KCTD8: variants seen among roughly 807,000 people sequenced by gnomAD.
The protein encoded by KCTD8 is potassium channel tetramerization domain containing 8.
A neutral mutation model predicts 31.5 loss-of-function variants in KCTD8; 27 were observed. The ratio of observed to expected loss-of-function variants is 0.86; its 90% CI spans 0.63 to 1.18. The LOEUF (loss-of-function observed/expected upper bound fraction) is 1.18, where lower values mean the gene tolerates loss of function less well. KCTD8 is among the 50% of genes most tolerant of loss of function. KCTD8 has a pLI of 0.00. For missense variants in KCTD8, 658 were observed against 647.7 expected, an observed-to-expected ratio of 1.02 and a Z score of -0.17; for synonymous variants, 290 against 280.0, an observed-to-expected ratio of 1.04 and a Z score of -0.36.
intron 1 of KCTD8, among the ~76,000 whole-genome samples, chr4:44,336,123 C>T (rs1407716660): frequency 4.7e-5 from 6 of 127,588 alleles, no homozygotes; most frequent in South Asian, 2.4e-4. Flanking sequence ...GCACTCCAGC[C>T]TGGGCGACAG....
intron 1 of KCTD8, among the ~76,000 whole-genome samples, chr4:44,185,689 G>A (rs1441227155): frequency 6.6e-6 from 1 of 150,698 alleles, no homozygotes; most frequent in Admixed American, 6.6e-5. Context: ...TCCGTATGTT[G>A]CTTTCAGCAT....
intron 1 of KCTD8, among the ~76,000 whole-genome samples, chr4:44,351,456 C>A (rs1016013989): frequency 6.6e-6 from 1 of 151,946 alleles, no homozygotes; most frequent in East Asian, 1.9e-4. Context: ...TCATTTTGGC[C>A]GTTTCTTCAG....
chr4:44,292,036 T>C (rs117402956), intron 1 of KCTD8, among the ~76,000 whole-genome samples: 1 of 148,212 alleles, frequency 6.7e-6, no homozygotes, highest in East Asian at 2.0e-4. Flanking sequence ...TTGGTGGGAA[T>C]ATAAGTTATT....
chr4:44,256,237 G>A (rs1456406632), intron 1 of KCTD8, among the ~76,000 whole-genome samples: 1 of 151,844 alleles, frequency 6.6e-6, no homozygotes, highest in Non-Finnish European at 1.5e-5. Flanking sequence ...AGGTGGGGAC[G>A]CAGCCAAACC....
At position 44,255,018 on chromosome 4, in the gene KCTD8, T is replaced by C. The variant is rs188240048; in HGVS notation, c.962-79768A>G. On this transcript the variant is annotated intron_variant, in intron 1 of 1. Transcript: ENST00000360029. Reference sequence around the variant, plus strand: ...CCACACCCCAGAAATAATTTTCTTATTGAGGATGCAAGTTTCAAAACTTAG... The same window carrying C: ...CCACACCCCAGAAATAATTTTCTTACTGAGGATGCAAGTTTCAAAACTTAG... Among the ~76,000 whole-genome samples the C allele has an allele frequency of 6.2e-3, 949 of 152,074 alleles. 9 individuals carry two copies. Among genetic ancestry groups the C allele is most frequent in the Non-Finnish European group, 0.01 (699 of 67,906 alleles).
At chr4:44,179,641 G>T (rs1018335925) in intron 1 of KCTD8, among the ~76,000 whole-genome samples, 1 of 151,616 alleles carries the variant, frequency 6.6e-6, no homozygotes. Flanking sequence ...TGACTTAAAA[G>T]AGAATGCTTG....
intron 1 of KCTD8, among the ~76,000 whole-genome samples, chr4:44,246,197 CAAG>C (rs1468054835): frequency 6.6e-6 from 1 of 151,982 alleles, no homozygotes; most frequent in Non-Finnish European, 1.5e-5. Flanking sequence ...CCAACTTTTG[CAAG>C]AAGCTTCAAA....
At chr4:44,444,083 T>C (rs1279400425) in intron 1 of KCTD8, among the ~76,000 whole-genome samples, 1 of 152,120 alleles carries the variant, frequency 6.6e-6, no homozygotes, top group Non-Finnish European at 1.5e-5. Flanking sequence ...TGAGAACAGA[T>C]ATAAGGGTTC....
intron 1 of KCTD8, among the ~76,000 whole-genome samples, chr4:44,329,587 C>T (rs1718540614): frequency 6.6e-6 from 1 of 151,894 alleles, no homozygotes; most frequent in Non-Finnish European, 1.5e-5. Context: ...ATCCATTATT[C>T]TCACATTCTT....
intron 1 of KCTD8, among the ~76,000 whole-genome samples, chr4:44,444,210 T>C (rs1394947095): frequency 1.3e-5 from 2 of 152,216 alleles, no homozygotes; most frequent in Non-Finnish European, 2.9e-5. Flanking sequence ...TCAATATTTA[T>C]CAGAATATAT....
chr4:44,226,984 T>TA (rs1162710189), intron 1 of KCTD8, among the ~76,000 whole-genome samples: 1 of 152,174 alleles, frequency 6.6e-6, no homozygotes, highest in African/African-American at 2.4e-5. Flanking sequence ...TTCCATTCTT[T>TA]AGGTTGCCTG....
chr4:44,235,472 G>A lies in KCTD8; in HGVS notation c.962-60222C>T, dbSNP rs1715248427. 2.1e-5 allele frequency among the ~76,000 whole-genome samples: 3 copies of A among 139,812 alleles called. No homozygotes were observed. In the Admixed American group the frequency reaches 2.2e-4, roughly 10 times the overall value. The allele number at this position is 139,812 out of a possible 152,430, so 91.7% of individuals were successfully genotyped here. A position where few individuals can be genotyped will look rare whatever the true frequency, so the allele number is the denominator to read the frequency against. ...GTATATATACAGATAGAGAGCAAGAGAGAGACTGGATGACTGGATTTTACC... is the reference window on the plus strand; with the variant it reads ...GTATATATACAGATAGAGAGCAAGAAAGAGACTGGATGACTGGATTTTACC... On this transcript the variant is annotated intron_variant, in intron 1 of 1. Coordinates refer to ENST00000360029, the MANE Select transcript of KCTD8 (RefSeq NM_198353.3).
chr4:44,313,159 G>C (rs991161029), intron 1 of KCTD8, among the ~76,000 whole-genome samples: 11 of 152,172 alleles, frequency 7.2e-5, no homozygotes, highest in African/African-American at 2.2e-4. Flanking sequence ...CTGGGGACTT[G>C]TCTGTATCTG....
intron 1 of KCTD8, among the ~76,000 whole-genome samples, chr4:44,312,980 A>C (rs1717998691): frequency 6.6e-6 from 1 of 152,158 alleles, no homozygotes; most frequent in Non-Finnish European, 1.5e-5. Context: ...GATTCAGACT[A>C]TCTTTCCAAA....
chr4:44,257,780 A>C (rs561244540), intron 1 of KCTD8, among the ~76,000 whole-genome samples: 50 of 152,136 alleles, frequency 3.3e-4, no homozygotes, highest in Middle Eastern at 3.4e-3. Context: ...AAATGAGTTG[A>C]AAGTAATGGA....
rs150778471 is a variant in KCTD8, at chr4:44,321,165, G to A, written c.961+126398C>T. On this transcript the variant is annotated intron_variant, in intron 1 of 1. Transcript: ENST00000360029. ...CTTCAAAGTATCTGTTTAAATACCT[G>A]TTTTGTTTTTAGTTACTCTTACTTC... 2.3e-3 allele frequency among the ~76,000 whole-genome samples: 352 copies of A among 152,184 alleles called. 4 individuals are homozygous for A. The highest frequency in any genetic ancestry group is 0.02 in the Middle Eastern group (6 of 294).
At chr4:44,222,789 G>T (rs540092322) in intron 1 of KCTD8, among the ~76,000 whole-genome samples, 21 of 152,124 alleles carry the variant, frequency 1.4e-4, no homozygotes, top group Non-Finnish European at 2.8e-4. Flanking sequence ...GGAAAGAGCT[G>T]GGCAGGAAGA....
chr4:44,437,428 T>C (rs1721687657), intron 1 of KCTD8, among the ~76,000 whole-genome samples: 1 of 152,182 alleles, frequency 6.6e-6, no homozygotes. Flanking sequence ...GTTTATAATA[T>C]CGGTTAATGA....
intron 1 of KCTD8, among the ~76,000 whole-genome samples, chr4:44,340,631 C>G (rs1213204876): frequency 6.6e-6 from 1 of 151,804 alleles, no homozygotes; most frequent in Non-Finnish European, 1.5e-5. Context: ...TTTTAAAGAT[C>G]GATAGTTAAA....
Sources: gnomAD v4.1 joint callset for allele counts (sites outside exome capture counted in the v4.1 genomes callset) on GRCh38, gnomAD v4.1.1 for gene constraint, MANE v1.5 for transcripts, NCBI Gene and HGNC (gene_info 2026-07-23, HGNC 2026-07-21) for gene names.